The following MEIS1 variants were observed in gnomAD, a reference collection of about 807,000 sequenced individuals.
MEIS1 encodes the protein Meis homeobox 1, also known as homeobox protein Meis1.
A neutral mutation model predicts 50.8 loss-of-function variants in MEIS1; 5 were observed. The observed-to-expected ratio is 0.10, with a 90% CI of 0.05 to 0.21. The LOEUF (loss-of-function observed/expected upper bound fraction) is 0.21, where lower values mean the gene tolerates loss of function less well. Among genes scored for constraint, MEIS1 ranks in the 10% least tolerant of loss-of-function variants. The pLI, the probability that MEIS1 is intolerant of heterozygous loss-of-function variation, is 1.00. For synonymous variants in MEIS1, 176 were observed against 179.3 expected (o/e 0.98, Z 0.15); for missense variants, 318 against 517.3 (o/e 0.61, Z 3.74).
chr2:66,493,467 T>A (rs2103811946), intron 7 of MEIS1, among the ~76,000 whole-genome samples: 1 of 152,316 alleles, frequency 6.6e-6, no homozygotes, highest in South Asian at 2.1e-4. Flanking sequence ...TAAGACTCAT[T>A]AATATTTTTA....
intron 7 of MEIS1, among the ~76,000 whole-genome samples, chr2:66,494,258 C>A (rs750862969): frequency 3.3e-5 from 5 of 152,148 alleles, no homozygotes; most frequent in Non-Finnish European, 5.9e-5. Context: ...CTCTAGAATG[C>A]AAGACCAAAT....
chr2:66,483,215 T>G (rs80111978), intron 7 of MEIS1, among the ~76,000 whole-genome samples: 1 of 140,742 alleles, frequency 7.1e-6, no homozygotes, highest in African/African-American at 3.0e-5. Flanking sequence ...GAGTTATGCT[T>G]ATTTTTTTTT....
At chr2:66,492,187 C>T (rs2103809271) in intron 7 of MEIS1, among the ~76,000 whole-genome samples, 1 of 151,554 alleles carries the variant, frequency 6.6e-6, no homozygotes, top group Middle Eastern at 3.4e-3. Context: ...TTCATGAACA[C>T]CCTTGCAGTC....
chr2:66,508,775 G>T (rs533885697), intron 7 of MEIS1, among the ~76,000 whole-genome samples: 1 of 152,352 alleles, frequency 6.6e-6, no homozygotes, highest in South Asian at 2.1e-4. Context: ...GGCTAAAGTC[G>T]CCCTATGGCA....
At chr2:66,510,711 GCTTTT>G (rs1190686762) in intron 7 of MEIS1, among the ~76,000 whole-genome samples, 4 of 152,096 alleles carry the variant, frequency 2.6e-5, no homozygotes, top group Non-Finnish European at 4.4e-5. Flanking sequence ...ATTGAGGAAT[GCTTTT>G]CTTTTCTTTT....
chr2:66,476,398 A>G (rs1209004553), intron 7 of MEIS1, among the ~76,000 whole-genome samples: 1 of 152,212 alleles, frequency 6.6e-6, no homozygotes, highest in African/African-American at 2.4e-5. Context: ...ACTCCCAAAG[A>G]TAGAAGTGAA....
chr2:66,495,862 G>T (rs1192598482), intron 7 of MEIS1, among the ~76,000 whole-genome samples: 1 of 152,228 alleles, frequency 6.6e-6, no homozygotes, highest in Non-Finnish European at 1.5e-5. Context: ...AGCACCCAAA[G>T]AGTGTAGCAA....
intron 12 of MEIS1, 46 bp downstream of exon 12, chr2:66,569,191 T>C (rs1675424259): frequency 3.3e-6 from 5 of 1,520,100 alleles, no homozygotes; most frequent in Non-Finnish European, 4.5e-6. Context: ...CTAGGAATAT[T>C]TTTCCTCTTG....
chr2:66,472,632 G>C (rs568364630), intron 7 of MEIS1, among the ~76,000 whole-genome samples: 177 of 152,342 alleles, frequency 1.2e-3, no homozygotes, highest in African/African-American at 4.1e-3. Flanking sequence ...CCCAGACATG[G>C]TGAACTCCGT....
At chr2:66,462,914 G>C (rs1325543867) in intron 6 of MEIS1, among the ~76,000 whole-genome samples, 2 of 152,084 alleles carry the variant, frequency 1.3e-5, no homozygotes, top group Admixed American at 6.5e-5. Flanking sequence ...ATAAGTGACA[G>C]TGATGCATCT....
chr2:66,457,408 A>C (rs1243889797), intron 6 of MEIS1, among the ~76,000 whole-genome samples: 12 of 152,140 alleles, frequency 7.9e-5, no homozygotes, highest in Admixed American at 7.9e-4. Flanking sequence ...ACAAGACTTT[A>C]AATACTCAGA....
chr2:66,524,816 G>C (rs1490185552), intron 8 of MEIS1, among the ~76,000 whole-genome samples: 1 of 151,872 alleles, frequency 6.6e-6, no homozygotes, highest in Non-Finnish European at 1.5e-5. Context: ...TTTTAACTGA[G>C]GTATAACAAG....
chr2:66,550,170 T>G (rs1034811021), intron 9 of MEIS1, among the ~76,000 whole-genome samples: 4 of 152,226 alleles, frequency 2.6e-5, no homozygotes, highest in Admixed American at 6.5e-5. Flanking sequence ...AAAATAGCTT[T>G]TAATTAGTTA....
chr2:66,482,450 G>C (rs745795532), intron 7 of MEIS1, among the ~76,000 whole-genome samples: 1 of 152,070 alleles, frequency 6.6e-6, no homozygotes, highest in Non-Finnish European at 1.5e-5. Flanking sequence ...TTTTTTACCA[G>C]GTTAAGAAGT....
At chr2:66,449,566 A>G (rs991837296) in intron 6 of MEIS1, among the ~76,000 whole-genome samples, 5 of 152,148 alleles carry the variant, frequency 3.3e-5, no homozygotes, top group Admixed American at 2.0e-4. Flanking sequence ...CAGGAAGTAT[A>G]CCTACATTGG....
intron 8 of MEIS1, among the ~76,000 whole-genome samples, chr2:66,534,666 G>A (rs866675295): frequency 1.3e-5 from 2 of 152,086 alleles, no homozygotes; most frequent in African/African-American, 4.8e-5. Flanking sequence ...TCTCCACATA[G>A]GCCTAAGTTT....
At chr2:66,526,611 C>A (rs915291775) in intron 8 of MEIS1, among the ~76,000 whole-genome samples, 1 of 152,152 alleles carries the variant, frequency 6.6e-6, no homozygotes, top group Non-Finnish European at 1.5e-5. Flanking sequence ...AAGAGACAGA[C>A]CTCTGATGGC....
At chr2:66,503,913 T>A (rs1033513030) in intron 7 of MEIS1, among the ~76,000 whole-genome samples, 2 of 151,634 alleles carry the variant, frequency 1.3e-5, no homozygotes, top group African/African-American at 4.8e-5. Context: ...CCTGGCTAAT[T>A]TTTTTGTATT....
intron 8 of MEIS1, among the ~76,000 whole-genome samples, chr2:66,518,020 G>A (rs1452576831): frequency 2.0e-5 from 3 of 152,136 alleles, no homozygotes; most frequent in Non-Finnish European, 2.9e-5. Context: ...TGCCCCAGAG[G>A]CCATTAGTGA....
Sources: gnomAD v4.1 joint callset for allele counts (sites outside exome capture counted in the v4.1 genomes callset) on GRCh38, gnomAD v4.1.1 for gene constraint, MANE v1.5 for transcripts, NCBI Gene and HGNC (gene_info 2026-07-23, HGNC 2026-07-21) for gene names.